Variants in DYNC1I1 observed in about 807,000 individuals in gnomAD.
DYNC1I1 encodes dynein cytoplasmic 1 intermediate chain 1, also known as cytoplasmic dynein 1 intermediate chain 1.
Under a neutral mutation model 86.6 loss-of-function variants are expected in DYNC1I1, and 43 were observed. The observed-to-expected ratio is 0.50, with a 90% confidence interval of 0.39 to 0.64. The LOEUF is 0.64. Among genes scored for constraint, DYNC1I1 ranks in the 30% least tolerant of loss-of-function variants. DYNC1I1 has a pLI of 0.00. For synonymous variants in DYNC1I1, 262 were observed against 283.7 expected (o/e 0.92, Z 0.77); for missense variants, 604 against 788.8 (o/e 0.77, Z 2.81).
intron 1 of DYNC1I1, chr7:95,802,902 C>T (rs539217452): frequency 6.6e-6 from 1 of 152,284 alleles, no homozygotes; most frequent in African/African-American, 2.4e-5. Context: ...TTCACACATC[C>T]AAATATGCCC....
At chr7:95,920,648 AT>A (rs932156515) in intron 6 of DYNC1I1, among the ~76,000 whole-genome samples, 2 of 152,230 alleles carry the variant, frequency 1.3e-5, no homozygotes, top group Admixed American at 6.5e-5. Flanking sequence ...ATTTAAAAAA[AT>A]AATTCTTATT....
chr7:96,028,120 TCACCTACAA>T, intron 10 of DYNC1I1, 46 bp from the exon 11 acceptor site: 1 of 1,578,492 alleles, frequency 6.3e-7, no homozygotes, highest in Non-Finnish European at 8.7e-7. Context: ...AAGAAACAAG[TCACCTACAA>T]CCATTTCACA....
chr7:95,977,822 C>T (rs572664287), intron 7 of DYNC1I1, among the ~76,000 whole-genome samples: 26 of 152,234 alleles, frequency 1.7e-4, no homozygotes, highest in African/African-American at 2.6e-4. Flanking sequence ...AAGTGCAAAA[C>T]GTCCACAATT....
chr7:96,076,205 G>T lies in DYNC1I1; in HGVS notation c.1650+8G>T, dbSNP rs775709058. On this transcript the variant is annotated splice_region_variant and intron_variant, in intron 15 of 16. Coordinates refer to ENST00000447467, the MANE Select transcript of DYNC1I1 (RefSeq NM_001135556.2). ...CTCAACAATGACACCGAGGTGAGCG[G>T]CGGCTCAGGCGCCCGGGCCGGAGGG... 6.2e-7 allele frequency: 1 copy of T among 1,613,610 alleles called. No homozygotes were observed. Among genetic ancestry groups the T allele is most frequent in the Admixed American group, 1.7e-5 (1 of 59,972 alleles).
intron 6 of DYNC1I1, among the ~76,000 whole-genome samples, chr7:95,966,730 G>T (rs1327666212): frequency 6.6e-6 from 1 of 152,164 alleles, no homozygotes; most frequent in African/African-American, 2.4e-5. Context: ...TGATAGACAT[G>T]AAGGATTCAA....
At chr7:96,010,259 G>A (rs1794244278) in intron 10 of DYNC1I1, among the ~76,000 whole-genome samples, 1 of 152,188 alleles carries the variant, frequency 6.6e-6, no homozygotes, top group Non-Finnish European at 1.5e-5. Context: ...CCGCCGCATT[G>A]TCACCTGACT....
At chr7:95,773,697 C>A (rs1000771271) in intron 1 of DYNC1I1, among the ~76,000 whole-genome samples, 1 of 152,140 alleles carries the variant, frequency 6.6e-6, no homozygotes, top group African/African-American at 2.4e-5. Context: ...TTCAAGTGGG[C>A]ATTGTAGACT....
intron 1 of DYNC1I1, among the ~76,000 whole-genome samples, chr7:95,786,787 A>G (rs1794159230): frequency 6.6e-6 from 1 of 151,876 alleles, no homozygotes; most frequent in African/African-American, 2.4e-5. Context: ...TGGCCCCACC[A>G]CTCCATTCCT....
chr7:95,878,832 A>G (rs1218275534), intron 6 of DYNC1I1, among the ~76,000 whole-genome samples: 1 of 152,100 alleles, frequency 6.6e-6, no homozygotes, highest in Non-Finnish European at 1.5e-5. Flanking sequence ...AAGCAGCAAG[A>G]GAAAATGAAT....
rs1353996149 is a variant in DYNC1I1 at position 96,097,852 on chromosome 7, G to A, written c.*259G>A. 1 of 1,186,500 alleles carries A rather than the reference G, an allele frequency of 8.4e-7. No homozygotes were observed. The highest frequency in any genetic ancestry group is 4.1e-5 in the East Asian group (1 of 24,338). The allele number at this position is 1,186,500 out of a possible 1,614,324, so 73.5% of individuals were successfully genotyped here. A position where few individuals can be genotyped will look rare whatever the true frequency, so the allele number is the denominator to read the frequency against. On this transcript the variant is annotated 3_prime_UTR_variant, in exon 17 of 17. Coordinates refer to ENST00000447467, the MANE Select transcript of DYNC1I1 (RefSeq NM_001135556.2). ...GAAGGGGGTTATGGGTTAAGTTGCT[G>A]CCTTTTAACTACTTTGTAGCTGTAT... is the stretch of plus-strand genomic sequence containing the variant.
intron 6 of DYNC1I1, among the ~76,000 whole-genome samples, chr7:95,876,583 C>G (rs1051009930): frequency 3.3e-5 from 5 of 152,136 alleles, no homozygotes; most frequent in African/African-American, 1.2e-4. Flanking sequence ...ATTACATTCA[C>G]AAAGACAAAC....
chr7:96,003,759 C>T (rs1434033608), intron 10 of DYNC1I1, among the ~76,000 whole-genome samples: 1 of 151,898 alleles, frequency 6.6e-6, no homozygotes, highest in Non-Finnish European at 1.5e-5. Flanking sequence ...GGACAGAGGC[C>T]ACTACCACCC....
intron 5 of DYNC1I1, among the ~76,000 whole-genome samples, chr7:95,867,923 C>T (rs35703327): frequency 0.18 from 27,464 of 152,224 alleles, 3,147 homozygotes; most frequent in African/African-American, 0.32. Context: ...GAAAGACCCA[C>T]TTCAGGCAGG....
intron 6 of DYNC1I1, among the ~76,000 whole-genome samples, chr7:95,912,439 T>C (rs1226655684): frequency 1.3e-5 from 2 of 152,236 alleles, no homozygotes; most frequent in African/African-American, 4.8e-5. Flanking sequence ...ACATTTGCCT[T>C]TGATACGTTT....
intron 14 of DYNC1I1, among the ~76,000 whole-genome samples, chr7:96,053,477 T>C (rs1201726011): frequency 6.6e-6 from 1 of 151,946 alleles, no homozygotes; most frequent in Non-Finnish European, 1.5e-5. Context: ...ATATATTCCC[T>C]TCCTCATCCT....
chr7:95,905,151 G>T (rs1791141492), intron 6 of DYNC1I1, among the ~76,000 whole-genome samples: 1 of 152,128 alleles, frequency 6.6e-6, no homozygotes, highest in Admixed American at 6.6e-5. Flanking sequence ...TTACCTGTTG[G>T]AATGCCAATT....
intron 4 of DYNC1I1, among the ~76,000 whole-genome samples, chr7:95,813,660 A>G (rs1794884337): frequency 6.6e-6 from 1 of 152,152 alleles, no homozygotes; most frequent in Non-Finnish European, 1.5e-5. Context: ...AGATAATTGA[A>G]TATATATCCA....
At chr7:96,063,008 C>G (rs1386677086) in intron 14 of DYNC1I1, among the ~76,000 whole-genome samples, 1 of 151,846 alleles carries the variant, frequency 6.6e-6, no homozygotes, top group Non-Finnish European at 1.5e-5. Context: ...TCAGGAACAT[C>G]ACAGAACTAT....
At chr7:95,913,853 C>A (rs1306412610) in intron 6 of DYNC1I1, among the ~76,000 whole-genome samples, 1 of 152,136 alleles carries the variant, frequency 6.6e-6, no homozygotes. Flanking sequence ...GCATTAATAT[C>A]AGAGTATTTG....
Sources: allele counts gnomAD v4.1 joint callset (sites outside exome capture counted in the v4.1 genomes callset), GRCh38; gene constraint gnomAD v4.1.1; transcripts MANE v1.5; gene names NCBI Gene and HGNC (gene_info 2026-07-23, HGNC 2026-07-21).